The following MEMO1 variants were observed in gnomAD, a reference collection of about 807,000 sequenced individuals.
MEMO1 encodes the protein mediator of cell motility 1.
MEMO1 carries 6 observed loss-of-function variants against 45.2 expected under a neutral mutation model. That is an observed-to-expected ratio of 0.13 (90% CI 0.07 to 0.26). MEMO1 has a LOEUF of 0.26. MEMO1 is among the 10% of genes least tolerant of loss of function. The pLI is 1.00. For missense variants in MEMO1, 184 were observed against 370.5 expected, an observed-to-expected ratio of 0.50 and a Z score of 4.13; for synonymous variants, 78 against 124.3, an observed-to-expected ratio of 0.63 and a Z score of 2.48.
At chr2:31,960,238 C>T (rs1200256645) in intron 2 of MEMO1, among the ~76,000 whole-genome samples, 1 of 151,692 alleles carries the variant, frequency 6.6e-6, no homozygotes, top group Non-Finnish European at 1.5e-5. Context: ...TGCACATTCA[C>T]ATTAAACAAT....
chr2:32,002,144 CAAAAAA>C (rs1156408005), intron 2 of MEMO1, among the ~76,000 whole-genome samples: 44 of 55,686 alleles, frequency 7.9e-4, no homozygotes, highest in East Asian at 4.6e-3. Context: ...GACTCTGTCT[CAAAAAA>C]AAAAAAAAAA....
intron 2 of MEMO1, among the ~76,000 whole-genome samples, chr2:32,003,587 A>G (rs746931218): frequency 2.0e-5 from 3 of 152,230 alleles, no homozygotes; most frequent in Non-Finnish European, 4.4e-5. Flanking sequence ...AACACAGCAT[A>G]CATATGCTCA....
chr2:31,917,419 G>T (rs562705943), intron 6 of MEMO1, among the ~76,000 whole-genome samples: 1 of 152,088 alleles, frequency 6.6e-6, no homozygotes. Context: ...CCCTGTCCTC[G>T]TTCGGCTCAC....
chr2:31,935,552 G>GA (rs981703259), intron 3 of MEMO1, among the ~76,000 whole-genome samples: 73 of 149,498 alleles, frequency 4.9e-4, no homozygotes, highest in African/African-American at 1.1e-3. Flanking sequence ...GCAGAGTATT[G>GA]AAAAAAAAAA....
chr2:32,002,583 T>A (rs1240714058), intron 2 of MEMO1, among the ~76,000 whole-genome samples: 1 of 152,130 alleles, frequency 6.6e-6, no homozygotes, highest in East Asian at 1.9e-4. Context: ...TCAGACTGGT[T>A]CTTCAACTTA....
Position 31,953,366 on chromosome 2 carries a change from C to CA in MEMO1, c.62-9984dup, listed in dbSNP as rs1227298943. 6.3e-3 allele frequency among the ~76,000 whole-genome samples: 458 copies of CA among 72,192 alleles called. 9 individuals carry two copies. Among genetic ancestry groups the CA allele is most frequent in the South Asian group, 0.029 (59 of 2,038 alleles). The allele number at this position is 72,192 out of a possible 152,430, so 47.4% of individuals were successfully genotyped here. On this transcript the variant is annotated intron_variant, in intron 2 of 9. Transcript: ENST00000404530. ...TGGGTGATAGAGTGAAACTCCGTCT[C>CA]AAAAAAAAAAAAAAAAAAACACAAT...
At chr2:31,931,470 A>G (rs1203508747) in intron 4 of MEMO1, among the ~76,000 whole-genome samples, 1 of 152,170 alleles carries the variant, frequency 6.6e-6, no homozygotes, top group African/African-American at 2.4e-5. Context: ...ATGAGTGACT[A>G]TTTCCAGCAA....
At chr2:32,009,315 C>T (rs1674502422) in intron 2 of MEMO1, among the ~76,000 whole-genome samples, 1 of 152,160 alleles carries the variant, frequency 6.6e-6, no homozygotes, top group Non-Finnish European at 1.5e-5. Flanking sequence ...CCAGCTGCCC[C>T]TTTCGTGAAT....
intron 2 of MEMO1, among the ~76,000 whole-genome samples, chr2:32,008,631 A>G (rs572804509): frequency 1.3e-5 from 2 of 152,226 alleles, no homozygotes; most frequent in Non-Finnish European, 2.9e-5. Flanking sequence ...CATAAGCTGA[A>G]CAAGAATAAT....
chr2:31,929,661 C>T (rs1683654408), intron 4 of MEMO1, among the ~76,000 whole-genome samples: 2 of 152,128 alleles, frequency 1.3e-5, no homozygotes, highest in African/African-American at 4.8e-5. Flanking sequence ...TTTGTACCCC[C>T]CACCCACTTT....
intron 2 of MEMO1, among the ~76,000 whole-genome samples, chr2:31,943,871 A>G (rs1345214287): frequency 6.6e-6 from 1 of 152,158 alleles, no homozygotes; most frequent in African/African-American, 2.4e-5. Flanking sequence ...ATAACCAGTA[A>G]CTACGCTACC....
chr2:31,889,302 A>G (rs1300729021), intron 7 of MEMO1, among the ~76,000 whole-genome samples: 1 of 152,090 alleles, frequency 6.6e-6, no homozygotes, highest in Non-Finnish European at 1.5e-5. Flanking sequence ...GTTAAGAGGA[A>G]ACTCAATGAA....
At chr2:31,994,565 AG>A (rs1672337885) in intron 2 of MEMO1, among the ~76,000 whole-genome samples, 3 of 151,294 alleles carry the variant, frequency 2.0e-5, no homozygotes, top group African/African-American at 7.3e-5. Context: ...TGGGAGGTGG[AG>A]GTTGCAGTGA....
chr2:31,974,232 A>G (rs773533267), intron 2 of MEMO1, among the ~76,000 whole-genome samples: 12 of 152,196 alleles, frequency 7.9e-5, no homozygotes, highest in Non-Finnish European at 1.3e-4. Flanking sequence ...ACAAAGTTAA[A>G]TCAATTTATG....
intron 2 of MEMO1, among the ~76,000 whole-genome samples, chr2:31,991,366 G>A (rs1470113345): frequency 2.6e-5 from 4 of 152,100 alleles, no homozygotes; most frequent in Non-Finnish European, 4.4e-5. Flanking sequence ...GAGGTCTGGA[G>A]GTCGAGACCA....
intron 2 of MEMO1, among the ~76,000 whole-genome samples, chr2:31,953,485 T>C (rs1482708998): frequency 6.6e-6 from 1 of 151,056 alleles, no homozygotes; most frequent in African/African-American, 2.4e-5. Flanking sequence ...AGACGGAGTC[T>C]CGCTCTGTCA....
intron 2 of MEMO1, among the ~76,000 whole-genome samples, chr2:31,958,010 T>G (rs1443281339): frequency 6.6e-6 from 1 of 152,230 alleles, no homozygotes; most frequent in Non-Finnish European, 1.5e-5. Context: ...CAGCAACCTC[T>G]GCCCTTATAA....
chr2:31,917,863 T>A (rs1681697437), intron 6 of MEMO1, 63 bp downstream of exon 6: 1 of 1,157,340 alleles, frequency 8.6e-7, no homozygotes, highest in East Asian at 2.6e-5. Context: ...TTTACTAGTT[T>A]TAAATTACCA....
intron 2 of MEMO1, among the ~76,000 whole-genome samples, chr2:31,965,121 G>A (rs1011230513): frequency 6.6e-6 from 1 of 152,104 alleles, no homozygotes; most frequent in African/African-American, 2.4e-5. Flanking sequence ...GATGAGGCAG[G>A]AGAATCGCTT....
Sources: allele counts gnomAD v4.1 joint callset (sites outside exome capture counted in the v4.1 genomes callset), GRCh38; gene constraint gnomAD v4.1.1; transcripts MANE v1.5; gene names NCBI Gene and HGNC (gene_info 2026-07-23, HGNC 2026-07-21).